Variants in TNRC6B observed in about 807,000 individuals in gnomAD.
The protein encoded by TNRC6B is trinucleotide repeat-containing gene 6B protein.
Under a neutral mutation model 203.6 loss-of-function variants are expected in TNRC6B, and 52 were observed. The observed-to-expected ratio is 0.26, with a 90% CI of 0.20 to 0.32. The LOEUF is 0.32. Among genes scored for constraint, TNRC6B ranks in the 10% least tolerant of loss-of-function variants. The pLI is 1.00. For missense variants in TNRC6B, 1,923 were observed against 2,286.2 expected, an observed-to-expected ratio of 0.84 and a Z score of 3.24; for synonymous variants, 838 against 845.7, an observed-to-expected ratio of 0.99 and a Z score of 0.16.
rs750748407 is a variant in TNRC6B at position 40,264,796 on chromosome 22, A to G, written c.566A>G (p.Lys189Arg). The change falls in exon 5 of 23, where the codon AAG becomes AGG. Residue 189 changes from lysine (K) to arginine (R), a missense_variant. This residue lies in a region of TNRC6B where 614 missense variants were observed against 587.7 expected (regional missense o/e 1.04). Transcript: ENST00000454349. ...CCCAACCCAATTCACATCTGGGACA[A>G]GGTGATTGTAGACGGGTCTGACATG... ...TSPNPIHIWD[K>R]VIVDGSDMEE... 5.6e-6 allele frequency: 9 copies of G among 1,613,854 alleles called. No homozygotes were observed. The highest frequency in any genetic ancestry group is 7.6e-6 in the Non-Finnish European group (9 of 1,179,896).
intron 3 of TNRC6B, among the ~76,000 whole-genome samples, chr22:40,140,303 C>T (rs996873235): frequency 1.3e-5 from 2 of 152,076 alleles, no homozygotes; most frequent in African/African-American, 2.4e-5. Flanking sequence ...TCCTTTGAAG[C>T]TTATTTTGAC....
At chr22:40,084,032 A>G (rs957886331) in intron 1 of TNRC6B, among the ~76,000 whole-genome samples, 1 of 152,168 alleles carries the variant, frequency 6.6e-6, no homozygotes, top group African/African-American at 2.4e-5. Flanking sequence ...TAAACCTGCC[A>G]AGTTAAATGC....
chr22:40,312,828 A>G (rs1378813465), intron 18 of TNRC6B, 74 bp from the exon 19 acceptor site: 2 of 1,507,492 alleles, frequency 1.3e-6, no homozygotes, highest in Non-Finnish European at 1.8e-6. Flanking sequence ...AGTTTAAACA[A>G]AATACTCTCA....
chr22:40,202,547 TC>T (rs1183144260), intron 1 of TNRC6B, among the ~76,000 whole-genome samples: 1 of 152,102 alleles, frequency 6.6e-6, no homozygotes, highest in Non-Finnish European at 1.5e-5. Context: ...ACAACCCTTT[TC>T]TTTAAGATAA....
chr22:40,130,283 T>G (rs1291816815), intron 3 of TNRC6B, among the ~76,000 whole-genome samples: 1 of 152,206 alleles, frequency 6.6e-6, no homozygotes, highest in African/African-American at 2.4e-5. Context: ...CTTCTGACTC[T>G]TGTTTAATGG....
rs2146499582 is a variant in TNRC6B at position 40,265,593 on chromosome 22, G to T, written c.1363G>T (p.Asp455Tyr). ...TGGGAACAATGGAAAAGAGAGAGAG[G>T]ACTCCTGGAAAGGAGCTTCTGTTCA... The part of the protein sequence containing the change: ...NNGNNGKERE[D>Y]SWKGASVQKS... The change falls in exon 5 of 23, where the codon GAC becomes TAC. Residue 455 changes from aspartate to tyrosine, a missense_variant. Asp to Tyr is a radical substitution (Grantham distance 160). This residue lies in a region of TNRC6B where 614 missense variants were observed against 587.7 expected (regional missense o/e 1.04). Transcript: ENST00000454349. The T allele has an allele frequency of 6.2e-7, 1 of 1,613,736 alleles. No individual in the cohort carries two copies. Among genetic ancestry groups the T allele is most frequent in the Non-Finnish European group, 8.5e-7 (1 of 1,179,772 alleles).
intron 22 of TNRC6B, among the ~76,000 whole-genome samples, chr22:40,322,189 T>TA (rs1330379953): frequency 6.6e-6 from 1 of 152,244 alleles, no homozygotes; most frequent in Non-Finnish European, 1.5e-5. Context: ...CTTTCCTTTT[T>TA]ATCTAAGGCT....
intron 1 of TNRC6B, among the ~76,000 whole-genome samples, chr22:40,109,522 T>C (rs1221607764): frequency 6.6e-6 from 1 of 152,256 alleles, no homozygotes; most frequent in Non-Finnish European, 1.5e-5. Flanking sequence ...TTTTCATTTC[T>C]CTAATGATCA....
chr22:40,054,370 G>C (rs1162695979), intron 1 of TNRC6B, among the ~76,000 whole-genome samples: 1 of 151,968 alleles, frequency 6.6e-6, no homozygotes, highest in African/African-American at 2.4e-5. Context: ...TCACCATACT[G>C]ACCCTCTTCA....
chr22:40,049,781 A>G (rs535754627), intron 1 of TNRC6B, among the ~76,000 whole-genome samples: 7 of 152,048 alleles, frequency 4.6e-5, no homozygotes, highest in African/African-American at 1.4e-4. Flanking sequence ...TTTTTGTATT[A>G]TTAGTAGAGA....
At chr22:40,277,212 C>T (rs898605973) in intron 8 of TNRC6B, 61 bp downstream of exon 8, 13 of 1,260,890 alleles carry the variant, frequency 1.0e-5, no homozygotes, top group Non-Finnish European at 1.4e-5. Context: ...ATATTAATAC[C>T]AATTTTAAGA....
intron 6 of TNRC6B, among the ~76,000 whole-genome samples, chr22:40,271,295 A>T (rs1002706512): frequency 6.6e-6 from 1 of 152,232 alleles, no homozygotes; most frequent in Non-Finnish European, 1.5e-5. Flanking sequence ...ATATAGAAGC[A>T]GATTTAAGGG....
chr22:40,063,088 G>A (rs1020170844), intron 1 of TNRC6B, among the ~76,000 whole-genome samples: 1 of 152,052 alleles, frequency 6.6e-6, no homozygotes, highest in Non-Finnish European at 1.5e-5. Context: ...TCTATTTTGA[G>A]TAAATTTTTG....
intron 1 of TNRC6B, among the ~76,000 whole-genome samples, chr22:40,231,717 G>A (rs2069872843): frequency 6.6e-6 from 1 of 152,146 alleles, no homozygotes; most frequent in South Asian, 2.1e-4. Flanking sequence ...ACAACCGCTG[G>A]AAAGTCTAAT....
intron 4 of TNRC6B, among the ~76,000 whole-genome samples, chr22:40,172,502 T>C (rs2069010960): frequency 6.6e-6 from 1 of 152,168 alleles, no homozygotes; most frequent in African/African-American, 2.4e-5. Context: ...GTATTGTTGG[T>C]GTAGTGTTGT....
chr22:40,062,450 C>T (rs1305722811), intron 1 of TNRC6B, among the ~76,000 whole-genome samples: 2 of 152,180 alleles, frequency 1.3e-5, no homozygotes, highest in Non-Finnish European at 2.9e-5. Context: ...CTCAGGTGAT[C>T]TGCCCATCTC....
chr22:40,335,538 G>C lies in TNRC6B; in HGVS notation c.*12297G>C, dbSNP rs939018620. ...CTAAAGGGTGGTGTTTTATTGGATTGTGACAGGTTGAGTAATAAGGAATTA... is the reference window on the plus strand; with the variant it reads ...CTAAAGGGTGGTGTTTTATTGGATTCTGACAGGTTGAGTAATAAGGAATTA... On this transcript the variant is annotated 3_prime_UTR_variant, in exon 23 of 23. Coordinates refer to ENST00000454349, the MANE Select transcript of TNRC6B (RefSeq NM_001162501.2). 15 of 150,318 alleles carry C rather than the reference G, an allele frequency of 1.0e-4. 2 individuals are homozygous for C. The highest frequency in any genetic ancestry group is 7.9e-4 in the Admixed American group (12 of 15,110). 9.3% of individuals were successfully genotyped at this position (150,318 alleles called of 1,614,324 possible). A position where few individuals can be genotyped will look rare whatever the true frequency, so the allele number is the denominator to read the frequency against.
Position 40,328,429 on chromosome 22 carries a change from C to A in TNRC6B, c.*5188C>A, listed in dbSNP as rs1263128244. The A allele has an allele frequency of 1.3e-5, 2 of 152,164 alleles. No homozygotes were observed. The highest frequency in any genetic ancestry group is 2.9e-5 in the Non-Finnish European group (2 of 68,042). 9.4% of individuals were successfully genotyped at this position (152,164 alleles called of 1,614,324 possible). A position where few individuals can be genotyped will look rare whatever the true frequency, so the allele number is the denominator to read the frequency against. ...GAAAAAGAAAGGAAAAGATAAAACT[C>A]CTGCCTGAGAATTTGGAAGCACCTT... On this transcript the variant is annotated 3_prime_UTR_variant, in exon 23 of 23. Transcript: ENST00000454349.
chr22:40,279,675 G>C (rs1449836860), intron 9 of TNRC6B, among the ~76,000 whole-genome samples: 1 of 152,198 alleles, frequency 6.6e-6, no homozygotes, highest in Non-Finnish European at 1.5e-5. Flanking sequence ...TCAGTATCCA[G>C]TCTAAATGTT....
Sources: gnomAD v4.1 joint callset for allele counts (sites outside exome capture counted in the v4.1 genomes callset) on GRCh38, gnomAD v4.1.1 for gene constraint, gnomAD v4.1.1 regional missense constraint, MANE v1.5 for transcripts, NCBI Gene and HGNC (gene_info 2026-07-23, HGNC 2026-07-21) for gene names.